The following SND1 variants were observed in gnomAD, a reference collection of about 807,000 sequenced individuals.
SND1 encodes staphylococcal nuclease and tudor domain containing 1.
Under a neutral mutation model 121.7 loss-of-function variants are expected in SND1, and 38 were observed. The observed-to-expected ratio is 0.31, with a 90% CI of 0.24 to 0.41. SND1 has a LOEUF of 0.41. Ranked by LOEUF, SND1 falls within the 10% of genes least tolerant of loss-of-function variation. The pLI, the probability that SND1 is intolerant of heterozygous loss-of-function variation, is 1.00. For missense variants in SND1, 868 were observed against 1,184.6 expected, an observed-to-expected ratio of 0.73 and a Z score of 3.92; for synonymous variants, 401 against 447.4, an observed-to-expected ratio of 0.90 and a Z score of 1.31.
intron 16 of SND1, chr7:128,028,816 T>C: frequency 6.2e-7 from 1 of 1,614,050 alleles, no homozygotes; most frequent in Non-Finnish European, 8.5e-7. Context: ...GGTTTGTAGG[T>C]GTTGTAGTTA....
At chr7:127,935,631 C>G (rs1291462795) in intron 15 of SND1, among the ~76,000 whole-genome samples, 1 of 152,176 alleles carries the variant, frequency 6.6e-6, no homozygotes, top group African/African-American at 2.4e-5. Context: ...AGAGAAAGAT[C>G]CCTTGGTCTT....
intron 16 of SND1, among the ~76,000 whole-genome samples, chr7:128,017,103 T>C (rs1803241791): frequency 6.6e-6 from 1 of 152,154 alleles, no homozygotes; most frequent in African/African-American, 2.4e-5. Context: ...TCAGAGAACA[T>C]CCCTGAAGCT....
At chr7:127,888,578 A>G (rs1343250526) in intron 13 of SND1, among the ~76,000 whole-genome samples, 1 of 152,110 alleles carries the variant, frequency 6.6e-6, no homozygotes, top group Non-Finnish European at 1.5e-5. Flanking sequence ...AAGGACATGC[A>G]TGCTGCTCAG....
At chr7:127,856,588 G>T (rs1257768869) in intron 12 of SND1, among the ~76,000 whole-genome samples, 1 of 152,218 alleles carries the variant, frequency 6.6e-6, no homozygotes. Flanking sequence ...GCTTCATAAA[G>T]GGAGGTGGAC....
chr7:128,015,512 T>C lies in SND1; in HGVS notation c.1779+24456T>C, dbSNP rs1307006430. ...CTTTCTTCCTTTTCCTACCCTTACCTCATTTTAATATAGACTTTGGCAACT... is the reference window on the plus strand; with the variant it reads ...CTTTCTTCCTTTTCCTACCCTTACCCCATTTTAATATAGACTTTGGCAACT... On this transcript the variant is annotated intron_variant, in intron 16 of 23. Transcript: ENST00000354725. This position sits in a 1 kb window ranked among gnomAD's most constrained non-coding sequence, Gnocchi z 4.5. 1.3e-5 allele frequency among the ~76,000 whole-genome samples: 2 copies of C among 152,174 alleles called. No homozygotes were observed. Among genetic ancestry groups the C allele is most frequent in the Non-Finnish European group, 2.9e-5 (2 of 68,034 alleles).
chr7:127,814,535 C>CT (rs981298786), intron 11 of SND1, among the ~76,000 whole-genome samples: 3 of 151,918 alleles, frequency 2.0e-5, no homozygotes, highest in African/African-American at 4.8e-5. Context: ...CTATTGCTAT[C>CT]TTTTTTCAGT....
chr7:127,875,710 A>G (rs567689619), intron 12 of SND1, among the ~76,000 whole-genome samples: 3 of 152,234 alleles, frequency 2.0e-5, no homozygotes, highest in South Asian at 4.2e-4. Flanking sequence ...TACTAGGATG[A>G]TTAGGTTAAT....
chr7:127,727,376 C>T (rs1332302692), intron 10 of SND1, among the ~76,000 whole-genome samples: 3 of 152,126 alleles, frequency 2.0e-5, no homozygotes, highest in African/African-American at 7.2e-5. Context: ...TAAGGGGCTC[C>T]GGGGTGCTTT....
chr7:127,995,413 G>A (rs1802625071), intron 16 of SND1, among the ~76,000 whole-genome samples: 1 of 152,222 alleles, frequency 6.6e-6, no homozygotes, highest in South Asian at 2.1e-4. Flanking sequence ...GGAAGATCTG[G>A]TGTGATTTCC....
intron 13 of SND1, among the ~76,000 whole-genome samples, chr7:127,903,073 A>G (rs1056352537): frequency 1.3e-5 from 2 of 151,972 alleles, no homozygotes; most frequent in African/African-American, 4.8e-5. Context: ...TAGTAGAGAC[A>G]GGGTTTCACC....
chr7:127,774,770 G>A (rs1584563382), intron 10 of SND1, among the ~76,000 whole-genome samples: 3 of 152,182 alleles, frequency 2.0e-5, no homozygotes, highest in Admixed American at 2.0e-4. Context: ...GTAGAGGCAG[G>A]GTTTTGCCAT....
rs66757341 is a variant in SND1 at position 127,975,424 on chromosome 7, C to CGTGT, written c.1670-15492_1670-15489dup. Among the ~76,000 whole-genome samples, 686 of 147,548 alleles carry CGTGT rather than the reference C, an allele frequency of 4.6e-3. 7 individuals carry two copies. Among genetic ancestry groups the CGTGT allele is most frequent in the South Asian group, 0.036 (160 of 4,500 alleles). The stretch of plus-strand genomic sequence containing the variant: ...GTGTGTAAGAGAGATTGACTCCCCT[C>CGTGT]GTGTGTGTGTGTGTGTGTGTGTGTG... On this transcript the variant is annotated intron_variant, in intron 15 of 23. Coordinates refer to ENST00000354725, the MANE Select transcript of SND1 (RefSeq NM_014390.4).
chr7:128,056,416 G>A (rs1041349993), intron 16 of SND1, among the ~76,000 whole-genome samples: 2 of 152,252 alleles, frequency 1.3e-5, no homozygotes, highest in Non-Finnish European at 2.9e-5. Context: ...TTGTTTCTCT[G>A]AGATTATCCT....
intron 12 of SND1, among the ~76,000 whole-genome samples, chr7:127,886,690 C>T (rs962697757): frequency 6.6e-6 from 1 of 151,844 alleles, no homozygotes; most frequent in African/African-American, 2.4e-5. Flanking sequence ...TTTGATTGTT[C>T]ATAACAAAGT....
intron 16 of SND1, among the ~76,000 whole-genome samples, chr7:127,995,677 T>A (rs1055258540): frequency 2.0e-5 from 3 of 152,232 alleles, no homozygotes; most frequent in African/African-American, 7.2e-5. Context: ...CTCTTCTCAC[T>A]TTCTTCCAGA....
At chr7:128,041,147 G>T (rs1450116068) in intron 16 of SND1, among the ~76,000 whole-genome samples, 1 of 152,144 alleles carries the variant, frequency 6.6e-6, no homozygotes, top group Non-Finnish European at 1.5e-5. Flanking sequence ...CTTAAGAGCG[G>T]AGGGGGCCCC....
chr7:127,908,219 G>A (rs931081568), intron 14 of SND1, among the ~76,000 whole-genome samples: 2 of 151,890 alleles, frequency 1.3e-5, no homozygotes, highest in Admixed American at 6.6e-5. Flanking sequence ...TTGGGAGGCC[G>A]AGGTGGGAGG....
chr7:128,044,391 GA>G (rs1792910038), intron 16 of SND1, among the ~76,000 whole-genome samples: 1 of 152,180 alleles, frequency 6.6e-6, no homozygotes, highest in African/African-American at 2.4e-5. Context: ...CTGATTTCCA[GA>G]GACCTTTGTC....
At chr7:128,077,180 C>T (rs557579171) in intron 17 of SND1, among the ~76,000 whole-genome samples, 72 of 152,356 alleles carry the variant, frequency 4.7e-4, no homozygotes, top group Non-Finnish European at 9.1e-4. Flanking sequence ...CCCTCGCCAG[C>T]CCCACCCCTG....
Sources: gnomAD v4.1 joint callset for allele counts (sites outside exome capture counted in the v4.1 genomes callset) on GRCh38, gnomAD v4.1.1 for gene constraint, Gnocchi (gnomAD v3.1) non-coding constraint, MANE v1.5 for transcripts, NCBI Gene and HGNC (gene_info 2026-07-23, HGNC 2026-07-21) for gene names.